Variants in FHIP1A observed in about 807,000 individuals in gnomAD.
FHIP1A encodes the protein FHF complex subunit HOOK interacting protein 1A.
A neutral mutation model predicts 88.6 loss-of-function variants in FHIP1A; 61 were observed. The ratio of observed to expected loss-of-function variants is 0.69; its 90% CI spans 0.56 to 0.85. The LOEUF (loss-of-function observed/expected upper bound fraction) is 0.85, where lower values mean the gene tolerates loss of function less well. Ranked by LOEUF, FHIP1A falls within the 40% of genes least tolerant of loss-of-function variation. The probability of loss-of-function intolerance (pLI) is 0.00; values close to 1 mark genes in which losing one functional copy is unlikely to be tolerated. For missense variants in FHIP1A, 1,154 were observed against 1,273.5 expected, an observed-to-expected ratio of 0.91 and a Z score of 1.43; for synonymous variants, 478 against 496.0, an observed-to-expected ratio of 0.96 and a Z score of 0.48.
chr4:151,526,876 A>G (rs1467210101), intron 3 of FHIP1A, among the ~76,000 whole-genome samples: 1 of 111,724 alleles, frequency 9.0e-6, no homozygotes, highest in Non-Finnish European at 1.9e-5. Context: ...CGCTCCTCAC[A>G]TCCCGGACGG....
intron 1 of FHIP1A, among the ~76,000 whole-genome samples, chr4:151,435,559 T>C (rs1426262901): frequency 6.6e-6 from 1 of 152,082 alleles, no homozygotes; most frequent in Non-Finnish European, 1.5e-5. Context: ...CTGAGGCGGC[T>C]GGATCACCTG....
intron 8 of FHIP1A, among the ~76,000 whole-genome samples, chr4:151,638,315 TTGTGTG>T (rs146664249): frequency 2.8e-5 from 4 of 143,732 alleles, no homozygotes; most frequent in South Asian, 2.3e-4. Context: ...AAATAGGAGA[TTGTGTG>T]TGTGTGTGTG....
intron 7 of FHIP1A, among the ~76,000 whole-genome samples, chr4:151,600,008 G>T (rs1400028669): frequency 6.6e-6 from 1 of 152,146 alleles, no homozygotes; most frequent in Non-Finnish European, 1.5e-5. Context: ...AAATCTCAGG[G>T]GCTGAAATAA....
chr4:151,510,947 G>A (rs1169558428), intron 3 of FHIP1A, among the ~76,000 whole-genome samples: 1 of 152,138 alleles, frequency 6.6e-6, no homozygotes. Context: ...TAACTAAGTT[G>A]AATTTCAAGA....
At chr4:151,420,927 G>C (rs1182721678) in intron 1 of FHIP1A, among the ~76,000 whole-genome samples, 1 of 152,232 alleles carries the variant, frequency 6.6e-6, no homozygotes, top group East Asian at 1.9e-4. Context: ...GAGAGGCCTT[G>C]CCAGTTGTTT....
At chr4:151,566,450 A>T (rs572537768) in intron 4 of FHIP1A, 86 bp downstream of exon 4, 1 of 716,728 alleles carries the variant, frequency 1.4e-6, no homozygotes, top group East Asian at 2.9e-5. Flanking sequence ...TACCTCTGTG[A>T]TAGGTAACTA....
At chr4:151,519,192 A>G (rs1731364855) in intron 3 of FHIP1A, among the ~76,000 whole-genome samples, 1 of 152,242 alleles carries the variant, frequency 6.6e-6, no homozygotes, top group Admixed American at 6.5e-5. Flanking sequence ...AGATTATATA[A>G]CATCATCATC....
chr4:151,631,305 T>C (rs1043104254), intron 8 of FHIP1A, among the ~76,000 whole-genome samples: 6 of 152,110 alleles, frequency 3.9e-5, no homozygotes, highest in African/African-American at 1.4e-4. Context: ...AGGATATTAC[T>C]ATCAACCTTA....
At chr4:151,517,585 C>CT (rs1415406780) in intron 3 of FHIP1A, among the ~76,000 whole-genome samples, 9 of 151,996 alleles carry the variant, frequency 5.9e-5, no homozygotes, top group Non-Finnish European at 1.0e-4. Context: ...TTTGTAGATG[C>CT]TGTTTTATAT....
intron 1 of FHIP1A, among the ~76,000 whole-genome samples, chr4:151,429,886 C>T (rs1247227546): frequency 3.3e-5 from 5 of 149,584 alleles, no homozygotes; most frequent in Non-Finnish European, 7.4e-5. Flanking sequence ...TTTGATGATT[C>T]TCTTCATTTT....
At chr4:151,659,443 T>G (rs1038396022) in intron 13 of FHIP1A, among the ~76,000 whole-genome samples, 1 of 152,166 alleles carries the variant, frequency 6.6e-6, no homozygotes, top group African/African-American at 2.4e-5. Context: ...AGAATTATGG[T>G]AATGGGCCAA....
intron 13 of FHIP1A, among the ~76,000 whole-genome samples, chr4:151,662,029 C>T (rs987009943): frequency 1.3e-5 from 2 of 152,190 alleles, no homozygotes; most frequent in African/African-American, 4.8e-5. Flanking sequence ...TTGGAGTGAC[C>T]CATTTCACCC....
intron 7 of FHIP1A, among the ~76,000 whole-genome samples, chr4:151,600,955 A>G (rs1734845727): frequency 6.6e-6 from 1 of 152,202 alleles, no homozygotes; most frequent in Non-Finnish European, 1.5e-5. Context: ...ACTCAATTTC[A>G]AGGGAAGAGG....
At chr4:151,465,209 A>G (rs979722279) in intron 2 of FHIP1A, among the ~76,000 whole-genome samples, 2 of 152,180 alleles carry the variant, frequency 1.3e-5, no homozygotes, top group Non-Finnish European at 2.9e-5. Context: ...AAAGAAAAAC[A>G]AAAACAAAAA....
intron 3 of FHIP1A, among the ~76,000 whole-genome samples, chr4:151,492,640 C>G (rs781720480): frequency 6.6e-6 from 1 of 151,302 alleles, no homozygotes; most frequent in Non-Finnish European, 1.5e-5. Flanking sequence ...ACTCCTCTCT[C>G]AGACCACAGT....
intron 6 of FHIP1A, among the ~76,000 whole-genome samples, chr4:151,588,240 G>C (rs1734292571): frequency 6.6e-6 from 1 of 151,942 alleles, no homozygotes; most frequent in African/African-American, 2.4e-5. Context: ...AATATGAGAA[G>C]TATTGTACTT....
intron 3 of FHIP1A, among the ~76,000 whole-genome samples, chr4:151,541,708 A>G (rs1480623066): frequency 6.6e-6 from 1 of 152,194 alleles, no homozygotes; most frequent in Non-Finnish European, 1.5e-5. Flanking sequence ...TCTTTAAAAC[A>G]AGGGGTAAAT....
At chr4:151,514,539 A>G (rs1731155901) in intron 3 of FHIP1A, among the ~76,000 whole-genome samples, 1 of 151,916 alleles carries the variant, frequency 6.6e-6, no homozygotes, top group South Asian at 2.1e-4. Context: ...AGGATCAACA[A>G]AATTGATAGA....
At chr4:151,640,182 G>C (rs1206337382) in intron 9 of FHIP1A, among the ~76,000 whole-genome samples, 1 of 152,198 alleles carries the variant, frequency 6.6e-6, no homozygotes, top group Non-Finnish European at 1.5e-5. Flanking sequence ...GCACTACTAA[G>C]TTTGAGAACC....
Sources: gnomAD v4.1 joint callset for allele counts (sites outside exome capture counted in the v4.1 genomes callset) on GRCh38, gnomAD v4.1.1 for gene constraint, MANE v1.5 for transcripts, NCBI Gene and HGNC (gene_info 2026-07-23, HGNC 2026-07-21) for gene names.